The following GPC5 variants were observed in gnomAD, a reference collection of about 807,000 sequenced individuals.
GPC5 encodes the protein glypican-5.
A neutral mutation model predicts 53.9 loss-of-function variants in GPC5; 47 were observed. The observed-to-expected ratio is 0.87, with a 90% confidence interval of 0.69 to 1.11. The LOEUF (loss-of-function observed/expected upper bound fraction) is 1.11. Ranked by LOEUF, GPC5 falls within the 50% of genes most tolerant of loss-of-function variation. GPC5 has a pLI of 0.00. For synonymous variants in GPC5, 286 were observed against 263.3 expected, an observed-to-expected ratio of 1.09 and a Z score of -0.84; for missense variants, 748 against 713.1, an observed-to-expected ratio of 1.05 and a Z score of -0.56.
chr13:92,331,137 C>T (rs1001419435), intron 7 of GPC5, among the ~76,000 whole-genome samples: 3 of 152,104 alleles, frequency 2.0e-5, no homozygotes, highest in Admixed American at 2.0e-4. Context: ...TGTATTATCT[C>T]TGCTCAGTCT....
At chr13:91,467,149 G>A (rs1196994533) in intron 2 of GPC5, among the ~76,000 whole-genome samples, 1 of 152,160 alleles carries the variant, frequency 6.6e-6, no homozygotes, top group Non-Finnish European at 1.5e-5. Context: ...GTGGAAAATA[G>A]ACAAATGCTT....
intron 5 of GPC5, among the ~76,000 whole-genome samples, chr13:91,763,399 G>T (rs1200605040): frequency 2.6e-5 from 4 of 152,106 alleles, no homozygotes; most frequent in Non-Finnish European, 5.9e-5. Context: ...TGTTGGGTGG[G>T]ATTGTTCCTA....
intron 7 of GPC5, among the ~76,000 whole-genome samples, chr13:92,380,202 C>G (rs1417678358): frequency 6.6e-6 from 1 of 152,162 alleles, no homozygotes. Flanking sequence ...TATTGGTGCT[C>G]TTTTCTCCAG....
chr13:92,116,342 C>G (rs1396932420), intron 6 of GPC5, among the ~76,000 whole-genome samples: 1 of 152,086 alleles, frequency 6.6e-6, no homozygotes, highest in Non-Finnish European at 1.5e-5. Flanking sequence ...AAGAGGCCAT[C>G]TATAAGTCAA....
chr13:92,215,788 T>C (rs1478405132), intron 7 of GPC5, among the ~76,000 whole-genome samples: 1 of 152,176 alleles, frequency 6.6e-6, no homozygotes, highest in Non-Finnish European at 1.5e-5. Flanking sequence ...GTAAGGATAG[T>C]GGCACCACGT....
intron 7 of GPC5, among the ~76,000 whole-genome samples, chr13:92,578,608 A>G (rs554525956): frequency 1.3e-5 from 2 of 152,270 alleles, no homozygotes; most frequent in African/African-American, 4.8e-5. Flanking sequence ...TCCCAACTCC[A>G]GAAGAGAGAG....
intron 7 of GPC5, among the ~76,000 whole-genome samples, chr13:92,500,997 G>A (rs527832931): frequency 1.3e-4 from 19 of 151,860 alleles, no homozygotes; most frequent in African/African-American, 4.6e-4. Context: ...AAACAAAAGT[G>A]GAGATATTTT....
intron 6 of GPC5, among the ~76,000 whole-genome samples, chr13:92,123,522 T>C (rs986561450): frequency 6.6e-6 from 1 of 152,206 alleles, no homozygotes; most frequent in African/African-American, 2.4e-5. Context: ...CCTTAGATTA[T>C]TTTACAAGTT....
At chr13:92,514,393 T>C (rs1594265345) in intron 7 of GPC5, among the ~76,000 whole-genome samples, 1 of 152,144 alleles carries the variant, frequency 6.6e-6, no homozygotes, top group East Asian at 1.9e-4. Flanking sequence ...CCAGGGAAAT[T>C]TAGAAGTCCT....
At chr13:92,355,327 A>G (rs1008077982) in intron 7 of GPC5, among the ~76,000 whole-genome samples, 1 of 152,014 alleles carries the variant, frequency 6.6e-6, no homozygotes, top group Non-Finnish European at 1.5e-5. Flanking sequence ...TTATATTTTA[A>G]GTTATCTGAG....
rs1289180674 is a variant in GPC5 at position 91,879,094 on chromosome 13, T to TG, written c.1281-28842dup. 3.3e-5 allele frequency among the ~76,000 whole-genome samples: 5 copies of TG among 152,090 alleles called. No homozygotes were observed. The East Asian group carries it at 9.7e-4, about 29-fold the overall frequency. On this transcript the variant is annotated intron_variant, in intron 5 of 7. Coordinates refer to ENST00000377067, the MANE Select transcript of GPC5 (RefSeq NM_004466.6). The stretch of plus-strand genomic sequence containing the variant: ...AACTTATAACTGAAGTATTAGTTTT[T>TG]GAAAAAAAACTATTATCATGTACTC...
chr13:92,582,895 C>T (rs1214185026), intron 7 of GPC5, among the ~76,000 whole-genome samples: 1 of 151,950 alleles, frequency 6.6e-6, no homozygotes, highest in Non-Finnish European at 1.5e-5. Flanking sequence ...TTTGTGGAGG[C>T]TTTATGATTT....
At chr13:92,144,148 G>A (rs1179490502) in intron 6 of GPC5, among the ~76,000 whole-genome samples, 1 of 152,104 alleles carries the variant, frequency 6.6e-6, no homozygotes, top group African/African-American at 2.4e-5. Context: ...TGGAACTCCT[G>A]TGCTGTAGGG....
intron 6 of GPC5, among the ~76,000 whole-genome samples, chr13:91,950,190 C>T (rs1448163437): frequency 6.6e-6 from 1 of 151,788 alleles, no homozygotes; most frequent in Non-Finnish European, 1.5e-5. Flanking sequence ...TTTGCCACCA[C>T]ACCATTCATG....
intron 2 of GPC5, among the ~76,000 whole-genome samples, chr13:91,551,553 T>C (rs1168872466): frequency 6.6e-6 from 1 of 152,098 alleles, no homozygotes; most frequent in Admixed American, 6.6e-5. Context: ...ATGTGATAAT[T>C]GAGTCGAAAA....
chr13:91,782,305 C>T (rs900023512), intron 5 of GPC5, among the ~76,000 whole-genome samples: 3 of 152,066 alleles, frequency 2.0e-5, no homozygotes, highest in Admixed American at 6.6e-5. Context: ...CCATTTTCAC[C>T]CTGCTTTAAA....
intron 7 of GPC5, among the ~76,000 whole-genome samples, chr13:92,678,392 T>A (rs1468576092): frequency 6.6e-6 from 1 of 152,098 alleles, no homozygotes; most frequent in Non-Finnish European, 1.5e-5. Flanking sequence ...GACTGAAGAT[T>A]CTGTTTTAAA....
intron 7 of GPC5, among the ~76,000 whole-genome samples, chr13:92,365,187 T>C (rs956714753): frequency 4.6e-5 from 7 of 151,818 alleles, no homozygotes; most frequent in Non-Finnish European, 1.0e-4. Flanking sequence ...ACCCAGGCTG[T>C]GTGATATAGC....
chr13:91,415,353 G>A (rs776654541), intron 1 of GPC5, among the ~76,000 whole-genome samples: 8 of 152,152 alleles, frequency 5.3e-5, no homozygotes, highest in East Asian at 1.9e-4. Flanking sequence ...GGGTGCTAAC[G>A]TGATGTTCGT....
Sources: allele counts gnomAD v4.1 joint callset (sites outside exome capture counted in the v4.1 genomes callset), GRCh38; gene constraint gnomAD v4.1.1; transcripts MANE v1.5; gene names NCBI Gene and HGNC (gene_info 2026-07-23, HGNC 2026-07-21).